Variants in NKAIN2 observed in about 807,000 individuals in gnomAD.
NKAIN2 encodes the protein sodium/potassium transporting ATPase interacting 2.
Under a neutral mutation model 32.6 loss-of-function variants are expected in NKAIN2, and 14 were observed. That is an observed-to-expected ratio of 0.43 (90% CI 0.28 to 0.67). The LOEUF is 0.67. Among genes scored for constraint, NKAIN2 ranks in the 30% least tolerant of loss-of-function variants. The pLI is 0.17. For synonymous variants in NKAIN2, 80 were observed against 87.2 expected, an observed-to-expected ratio of 0.92 and a Z score of 0.46; for missense variants, 198 against 258.3, an observed-to-expected ratio of 0.77 and a Z score of 1.60.
At chr6:123,871,507 C>G (rs1562231197) in intron 1 of NKAIN2, among the ~76,000 whole-genome samples, 2 of 152,156 alleles carry the variant, frequency 1.3e-5, no homozygotes, top group African/African-American at 2.4e-5. Context: ...CTCCTCCCCC[C>G]AGTTGAATGC....
chr6:123,881,442 C>T (rs756546998), intron 1 of NKAIN2, among the ~76,000 whole-genome samples: 5 of 152,116 alleles, frequency 3.3e-5, no homozygotes, highest in Non-Finnish European at 7.3e-5. Flanking sequence ...ACAAGCAATA[C>T]AGTATGTTAA....
At chr6:123,831,778 C>A (rs959994434) in intron 1 of NKAIN2, among the ~76,000 whole-genome samples, 2 of 151,830 alleles carry the variant, frequency 1.3e-5, no homozygotes, top group Non-Finnish European at 2.9e-5. Context: ...GCCTCAGCCT[C>A]CCAAGTAGCT....
intron 1 of NKAIN2, among the ~76,000 whole-genome samples, chr6:123,908,423 G>C (rs1252668060): frequency 6.6e-6 from 1 of 152,132 alleles, no homozygotes; most frequent in East Asian, 1.9e-4. Context: ...ACTCTTGATT[G>C]CATGCATATC....
intron 1 of NKAIN2, among the ~76,000 whole-genome samples, chr6:124,213,899 A>G (rs2114669943): frequency 6.6e-6 from 1 of 152,308 alleles, no homozygotes; most frequent in Admixed American, 6.5e-5. Flanking sequence ...GAATATCCAC[A>G]TGAAACTCGG....
At chr6:123,918,407 G>A (rs1236833794) in intron 1 of NKAIN2, among the ~76,000 whole-genome samples, 8 of 152,172 alleles carry the variant, frequency 5.3e-5, no homozygotes, top group Non-Finnish European at 1.2e-4. Flanking sequence ...AAATGTCACT[G>A]TTAACATTCT....
intron 1 of NKAIN2, among the ~76,000 whole-genome samples, chr6:123,933,429 G>A (rs542372604): frequency 6.6e-6 from 1 of 152,206 alleles, no homozygotes; most frequent in Admixed American, 6.5e-5. Context: ...TCTCTTGTCA[G>A]AACAGTGGAA....
At chr6:124,208,443 T>G (rs1030764063) in intron 1 of NKAIN2, among the ~76,000 whole-genome samples, 4 of 151,802 alleles carry the variant, frequency 2.6e-5, no homozygotes, top group African/African-American at 9.7e-5. Flanking sequence ...GCATCATAAC[T>G]GAACAATAAA....
At chr6:124,514,090 T>C (rs1191422518) in intron 3 of NKAIN2, among the ~76,000 whole-genome samples, 1 of 152,140 alleles carries the variant, frequency 6.6e-6, no homozygotes, top group Non-Finnish European at 1.5e-5. Flanking sequence ...AATTTCCCTC[T>C]AGCAATCAGA....
intron 3 of NKAIN2, among the ~76,000 whole-genome samples, chr6:124,630,595 C>T (rs1783525606): frequency 6.6e-6 from 1 of 152,082 alleles, no homozygotes; most frequent in African/African-American, 2.4e-5. Context: ...AGAGAAATTA[C>T]ATAATTACCT....
chr6:124,407,504 G>A (rs975041367), intron 3 of NKAIN2, among the ~76,000 whole-genome samples: 41 of 152,130 alleles, frequency 2.7e-4, no homozygotes, highest in Non-Finnish European at 4.4e-4. Flanking sequence ...CTTCATCCAT[G>A]TCCCTGCAAA....
intron 1 of NKAIN2, among the ~76,000 whole-genome samples, chr6:124,082,664 C>A (rs1430444784): frequency 6.6e-6 from 1 of 151,772 alleles, no homozygotes; most frequent in Non-Finnish European, 1.5e-5. Context: ...TAATAGAGTT[C>A]TGAGTTTAAA....
rs140530795 is a variant in NKAIN2, at chr6:123,996,430, T to C, written c.54+192176T>C. Among the ~76,000 whole-genome samples the C allele has an allele frequency of 3.2e-4, 47 of 147,830 alleles. No homozygotes were observed. In the East Asian group the frequency reaches 3.2e-3, roughly 10 times the overall value. ...TTATTGTCCAATCAAGAAAATAGTT[T>C]CCTTGATAGTTGGAAATTGAAAGTT... On this transcript the variant is annotated intron_variant, in intron 1 of 6. Coordinates refer to ENST00000368417, the MANE Select transcript of NKAIN2 (RefSeq NM_001040214.3).
intron 3 of NKAIN2, among the ~76,000 whole-genome samples, chr6:124,560,555 T>A (rs560721991): frequency 7.2e-5 from 11 of 152,356 alleles, no homozygotes; most frequent in African/African-American, 2.4e-4. Context: ...GTAGCCCTAG[T>A]AAAGTTATTT....
At chr6:124,663,659 A>ATAAT (rs1217308855) in intron 4 of NKAIN2, among the ~76,000 whole-genome samples, 7 of 152,218 alleles carry the variant, frequency 4.6e-5, no homozygotes, top group African/African-American at 1.4e-4. Context: ...AAGTAGGAAT[A>ATAAT]TAATTAATAA....
chr6:124,145,618 G>A (rs1400553454), intron 1 of NKAIN2, among the ~76,000 whole-genome samples: 2 of 152,052 alleles, frequency 1.3e-5, no homozygotes, highest in African/African-American at 4.8e-5. Context: ...CCATTCTCCT[G>A]CCTCAGCCTC....
intron 1 of NKAIN2, among the ~76,000 whole-genome samples, chr6:124,074,528 G>C (rs918932676): frequency 3.3e-5 from 5 of 152,120 alleles, no homozygotes; most frequent in African/African-American, 4.8e-5. Flanking sequence ...ATTACTAGGG[G>C]TCCTCCCAGG....
At chr6:123,910,497 A>ATTT (rs1775116027) in intron 1 of NKAIN2, among the ~76,000 whole-genome samples, 5 of 97,812 alleles carry the variant, frequency 5.1e-5, no homozygotes, top group African/African-American at 1.7e-4. Context: ...CCTGCAATGC[A>ATTT]TGTTTTTTTT....
intron 4 of NKAIN2, among the ~76,000 whole-genome samples, chr6:124,708,160 G>A (rs1281868516): frequency 1.3e-3 from 195 of 145,194 alleles, no homozygotes; most frequent in African/African-American, 4.8e-3. Context: ...GTAGATATGC[G>A]GCATTATTTC....
intron 3 of NKAIN2, among the ~76,000 whole-genome samples, chr6:124,430,972 T>C (rs1039203110): frequency 2.6e-5 from 4 of 152,238 alleles, no homozygotes; most frequent in Non-Finnish European, 5.9e-5. Flanking sequence ...GAACTGCTCA[T>C]GTCTTGCTAA....
Sources: allele counts gnomAD v4.1 joint callset (sites outside exome capture counted in the v4.1 genomes callset), GRCh38; gene constraint gnomAD v4.1.1; transcripts MANE v1.5; gene names NCBI Gene and HGNC (gene_info 2026-07-23, HGNC 2026-07-21).